Variants in CCDC73 observed in about 807,000 individuals in gnomAD.
CCDC73 encodes the protein coiled-coil domain-containing protein 73.
CCDC73 carries 95 observed loss-of-function variants against 116.5 expected under a neutral mutation model. That is an observed-to-expected ratio of 0.82 (90% CI 0.69 to 0.97). The LOEUF (loss-of-function observed/expected upper bound fraction) is 0.97. Ranked by LOEUF, CCDC73 falls within the 50% of genes least tolerant of loss-of-function variation. The probability of loss-of-function intolerance (pLI) is 0.00; values close to 1 mark genes in which losing one functional copy is unlikely to be tolerated. For synonymous variants in CCDC73, 398 were observed against 401.3 expected (o/e 0.99, Z 0.10); for missense variants, 1,066 against 1,206.8 (o/e 0.88, Z 1.73).
chr11:32,732,266 C>T (rs557395154), intron 2 of CCDC73, among the ~76,000 whole-genome samples: 41 of 152,170 alleles, frequency 2.7e-4, no homozygotes, highest in Admixed American at 7.9e-4. Flanking sequence ...TATGGGACTA[C>T]GTGAAAAGAC....
At chr11:32,786,429 TA>T (rs1452326741) in intron 1 of CCDC73, among the ~76,000 whole-genome samples, 1 of 116,944 alleles carries the variant, frequency 8.6e-6, no homozygotes, top group Non-Finnish European at 1.7e-5. Context: ...TATATAATTA[TA>T]ATATATAATA....
At chr11:32,616,775 A>G (rs1855478508) in intron 14 of CCDC73, among the ~76,000 whole-genome samples, 2 of 152,258 alleles carry the variant, frequency 1.3e-5, no homozygotes, top group Non-Finnish European at 1.5e-5. Context: ...AACAAAATAC[A>G]GTCCCTGTCC....
intron 3 of CCDC73, among the ~76,000 whole-genome samples, chr11:32,712,646 A>C (rs1335069521): frequency 2.6e-5 from 4 of 152,016 alleles, no homozygotes; most frequent in Non-Finnish European, 5.9e-5. Flanking sequence ...AATTTGCACA[A>C]ACTATACAAT....
At chr11:32,815,594 G>A in the CCDC73 span, among the ~76,000 whole-genome samples, 2 of 152,140 alleles carry the variant, frequency 1.3e-5, no homozygotes, top group South Asian at 4.1e-4. Flanking sequence ...GGGTGAGAAA[G>A]AAAAAGGTTT....
intron 9 of CCDC73, among the ~76,000 whole-genome samples, chr11:32,666,277 C>T (rs1189896395): frequency 6.6e-6 from 1 of 152,160 alleles, no homozygotes; most frequent in Non-Finnish European, 1.5e-5. Flanking sequence ...TTCCATTCTC[C>T]CCGTCACTTT....
intron 13 of CCDC73, among the ~76,000 whole-genome samples, chr11:32,639,421 G>A (rs1451586369): frequency 6.6e-6 from 1 of 151,832 alleles, no homozygotes; most frequent in Non-Finnish European, 1.5e-5. Context: ...CATAGTATAT[G>A]CTCAATAAGT....
intron 6 of CCDC73, among the ~76,000 whole-genome samples, chr11:32,693,582 T>C (rs1208425480): frequency 1.3e-5 from 2 of 152,172 alleles, no homozygotes; most frequent in Admixed American, 1.3e-4. Flanking sequence ...AGCATCATCC[T>C]GATACCAAAG....
intron 12 of CCDC73, among the ~76,000 whole-genome samples, chr11:32,650,163 G>T (rs1368374888): frequency 6.6e-6 from 1 of 152,054 alleles, no homozygotes; most frequent in Non-Finnish European, 1.5e-5. Flanking sequence ...TCATGAAGGG[G>T]CAAGTTAAGA....
intron 13 of CCDC73, among the ~76,000 whole-genome samples, chr11:32,640,528 G>A (rs962482849): frequency 8.5e-5 from 13 of 152,048 alleles, no homozygotes; most frequent in African/African-American, 3.1e-4. Flanking sequence ...GAAGGTACAT[G>A]GATAAAATGT....
intron 1 of CCDC73, among the ~76,000 whole-genome samples, chr11:32,764,535 A>G (rs1389054294): frequency 6.6e-6 from 1 of 152,218 alleles, no homozygotes; most frequent in African/African-American, 2.4e-5. Context: ...TGAAGGAGAA[A>G]TAAAATACTT....
rs567675202 is a variant in CCDC73 at position 32,609,257 on chromosome 11, C to T, written c.3030+1875G>A. On this transcript the variant is annotated intron_variant, in intron 17 of 17. Coordinates refer to ENST00000335185, the MANE Select transcript of CCDC73 (RefSeq NM_001008391.4). ...ATAAAACTGAATGCCTTTAACAGCG[C>T]CCAAGTCACCTCTTGAATGCTTTGC... Among the ~76,000 whole-genome samples the T allele has an allele frequency of 4.6e-5, 7 of 152,282 alleles. No homozygotes were observed. In the East Asian group the frequency reaches 1.4e-3, roughly 29 times the overall value.
At chr11:32,789,024 A>C (rs1850650695) in intron 1 of CCDC73, among the ~76,000 whole-genome samples, 1 of 152,198 alleles carries the variant, frequency 6.6e-6, no homozygotes, top group African/African-American at 2.4e-5. Flanking sequence ...CCATTGCAAA[A>C]ATAGTTATAA....
At chr11:32,675,836 A>T (rs766005116) in intron 8 of CCDC73, 50 bp downstream of exon 8, 15 of 1,456,308 alleles carry the variant, frequency 1.0e-5, no homozygotes, top group Non-Finnish European at 1.3e-5. Flanking sequence ...AAATAAGTCC[A>T]TTCAAACATT....
intron 6 of CCDC73, among the ~76,000 whole-genome samples, chr11:32,695,866 C>G (rs1285429766): frequency 7.3e-6 from 1 of 136,740 alleles, no homozygotes; most frequent in African/African-American, 2.7e-5. Flanking sequence ...GATTTAAAAA[C>G]ATAAGAAAAT....
chr11:32,779,842 A>G (rs4756245), intron 1 of CCDC73, among the ~76,000 whole-genome samples: 87,532 of 152,116 alleles, frequency 0.58, 25,510 homozygotes, highest in East Asian at 0.84. Context: ...AAGAAGGTAT[A>G]CAGGTTAATA....
chr11:32,772,436 G>GA (rs2133387980), intron 1 of CCDC73, among the ~76,000 whole-genome samples: 1 of 152,198 alleles, frequency 6.6e-6, no homozygotes, highest in East Asian at 1.9e-4. Context: ...ATCCTAGATA[G>GA]AAAAAACAAA....
chr11:32,691,545 A>G (rs1856258776), intron 6 of CCDC73, among the ~76,000 whole-genome samples: 1 of 152,080 alleles, frequency 6.6e-6, no homozygotes, highest in African/African-American at 2.4e-5. Flanking sequence ...GGCCCATTTT[A>G]AAATCAGATT....
At chr11:32,660,579 C>T (rs1255897258) in intron 9 of CCDC73, among the ~76,000 whole-genome samples, 6 of 151,952 alleles carry the variant, frequency 3.9e-5, no homozygotes, top group Admixed American at 3.3e-4. Flanking sequence ...AATCCCAGCA[C>T]TTTGGGAGGC....
rs754742321 is a variant in CCDC73 at position 32,635,702 on chromosome 11, C to T, written c.1179G>A (p.Lys393=). Residue 393 remains lysine, a synonymous_variant, in exon 14 of 18, where the codon AAG becomes AAA. Coordinates refer to ENST00000335185, the MANE Select transcript of CCDC73 (RefSeq NM_001008391.4). ...CAACATACTTAAATTTTACCTGAAA[C>T]TTTTTGTCTTCCTCAAATGTTTTTT... ...CNQKTFEEDK[K]FQNVPEVNNE... 35 of 1,303,266 alleles carry T rather than the reference C, an allele frequency of 2.7e-5. No homozygotes were observed. Among genetic ancestry groups the T allele is most frequent in the African/African-American group, 4.6e-5 (3 of 65,488 alleles). 80.7% of individuals were successfully genotyped at this position (1,303,266 alleles called of 1,614,324 possible). A position where few individuals can be genotyped will look rare whatever the true frequency, so the allele number is the denominator to read the frequency against.
Sources: gnomAD v4.1 joint callset for allele counts (sites outside exome capture counted in the v4.1 genomes callset) on GRCh38, gnomAD v4.1.1 for gene constraint, MANE v1.5 for transcripts, NCBI Gene and HGNC (gene_info 2026-07-23, HGNC 2026-07-21) for gene names.